The following MTRR variants were observed in gnomAD, a reference collection of about 807,000 sequenced individuals.
MTRR encodes the protein 5-methyltetrahydrofolate-homocysteine methyltransferase reductase, also known as methionine synthase reductase.
In MTRR, 63 loss-of-function variants were observed where a neutral mutation model predicts 79.2. The ratio of observed to expected loss-of-function variants is 0.80; its 90% CI spans 0.65 to 0.98. MTRR has a LOEUF of 0.98. Among genes scored for constraint, MTRR ranks in the 50% least tolerant of loss-of-function variants. The pLI is 0.00. For synonymous variants in MTRR, 355 were observed against 313.3 expected, an observed-to-expected ratio of 1.13 and a Z score of -1.41; for missense variants, 895 against 839.6, an observed-to-expected ratio of 1.07 and a Z score of -0.82.
chr5:7,850,931 T>A, upstream of MTRR: 2 of 1,358,112 alleles, frequency 1.5e-6, no homozygotes, highest in Non-Finnish European at 1.9e-6. Context: ...CGCGGCGGGA[T>A]GTAGCTGAAG....
intron 1 of MTRR, chr5:7,870,469 C>G (rs1340661230): frequency 2.6e-6 from 1 of 384,900 alleles, no homozygotes; most frequent in East Asian, 6.1e-5. Context: ...TGGTACGGAT[C>G]ATTTGGGGAG....
At position 7,878,063 on chromosome 5, in the gene MTRR, C is replaced by T. The variant is rs1186905406; in HGVS notation, c.521C>T (p.Ser174Phe). The T allele has an allele frequency of 2.5e-6, 4 of 1,613,870 alleles. No homozygotes were observed. The highest frequency in any genetic ancestry group is 1.1e-5 in the South Asian group (1 of 91,066). ...SGALPVASPA[S>F]SRTDLVKSEL... ...GCACTCCCGGTGGCATCACCTGCAT[C>T]CTCGAGGACAGACCTTGTGAAGTCA... Residue 174 changes from serine (S) to phenylalanine (F), a missense_variant, in exon 5 of 15, where the codon TCC becomes TTC. Transcript: ENST00000440940.
intron 10 of MTRR, 78 bp downstream of exon 10, chr5:7,891,492 T>A: frequency 8.1e-7 from 1 of 1,237,738 alleles, no homozygotes; most frequent in African/African-American, 1.5e-5. Flanking sequence ...CATTAGAGTT[T>A]ACTAATTTAT....
intron 5 of MTRR, among the ~76,000 whole-genome samples, chr5:7,878,932 A>G (rs921616985): frequency 6.6e-6 from 1 of 152,084 alleles, no homozygotes; most frequent in Non-Finnish European, 1.5e-5. Context: ...TACAAAAACC[A>G]CACCCTTACT....
intron 9 of MTRR, chr5:7,890,478 G>C (rs892069400): frequency 2.1e-6 from 2 of 931,926 alleles, no homozygotes; most frequent in African/African-American, 3.6e-5. Flanking sequence ...AATTCTTTTC[G>C]TAGATTTTTT....
intron 3 of MTRR, chr5:7,875,037 A>G (rs868583579): frequency 1.9e-6 from 1 of 539,138 alleles, no homozygotes; most frequent in Admixed American, 3.2e-5. Flanking sequence ...GCGGCCAATA[A>G]GTATTTTGTT....
At chr5:7,890,459 A>G (rs1737356106) in intron 9 of MTRR, 1 of 950,042 alleles carries the variant, frequency 1.1e-6, no homozygotes, top group South Asian at 4.9e-5. Flanking sequence ...TCGCATACTA[A>G]TTTATTTCAA....
At chr5:7,883,128 TAC>T (rs753767174) in intron 5 of MTRR, 25 bp from the exon 6 acceptor site, 1 of 1,614,104 alleles carries the variant, frequency 6.2e-7, no homozygotes, top group South Asian at 1.1e-5. Flanking sequence ...AAATTGCACT[TAC>T]GTTTTGTCAC....
intron 1 of MTRR, chr5:7,859,372 C>T: frequency 1.0e-6 from 1 of 994,532 alleles, no homozygotes; most frequent in Non-Finnish European, 1.5e-6. Context: ...TTATATTTTT[C>T]TTTTAATACT....
rs757418865 is a variant in MTRR, at chr5:7,869,175, A to G, written c.-66A>G. ...TGCGCGCTGGCGCAAGGTTGGTGGA[A>G]GTCGCGTTGTGCAGGTTCGTGCCCG... On this transcript the variant is annotated 5_prime_UTR_variant, in exon 1 of 15. Coordinates refer to ENST00000440940, the MANE Select transcript of MTRR (RefSeq NM_002454.3). 4 of 1,612,126 alleles carry G rather than the reference A, an allele frequency of 2.5e-6. No homozygotes were observed. The highest frequency in any genetic ancestry group is 3.3e-5 in the Admixed American group (2 of 60,022).
At chr5:7,868,188 A>C, upstream of MTRR, 1 of 527,676 alleles carries the variant, frequency 1.9e-6, no homozygotes, top group Admixed American at 4.1e-5. Context: ...TGAAACTACA[A>C]ACGAGTATCT....
chr5:7,867,721 C>G (rs762452287), upstream of MTRR: 3 of 1,614,082 alleles, frequency 1.9e-6, no homozygotes, highest in African/African-American at 4.0e-5. Context: ...GGGTTTCCAT[C>G]GTGCTTATAA....
At chr5:7,890,455 A>T in intron 9 of MTRR, 1 of 963,060 alleles carries the variant, frequency 1.0e-6, no homozygotes, top group Non-Finnish European at 1.2e-6. Context: ...CTTATCGCAT[A>T]CTAATTTATT....
chr5:7,879,379 G>GT (rs1464896549), intron 5 of MTRR, among the ~76,000 whole-genome samples: 1 of 145,204 alleles, frequency 6.9e-6, no homozygotes, highest in African/African-American at 2.5e-5. Flanking sequence ...GAGTTTATGG[G>GT]TTTTTTCCGG....
intron 8 of MTRR, among the ~76,000 whole-genome samples, chr5:7,888,380 A>G (rs1430859332): frequency 6.6e-6 from 1 of 152,138 alleles, no homozygotes; most frequent in Non-Finnish European, 1.5e-5. Context: ...TTAATTTAGG[A>G]GATTGTATTG....
chr5:7,867,748 T>C (rs1747110109), upstream of MTRR: 2 of 1,614,142 alleles, frequency 1.2e-6, no homozygotes, highest in Non-Finnish European at 1.7e-6. Flanking sequence ...GCACTTCTTC[T>C]GATGAAGTCA....
chr5:7,866,604 A>C, upstream of MTRR: 1 of 1,429,960 alleles, frequency 7.0e-7, no homozygotes, highest in African/African-American at 1.4e-5. Flanking sequence ...GCCAGTTCAA[A>C]GGTTACTTTT....
chr5:7,894,372 C>G (rs1738149617), intron 11 of MTRR, among the ~76,000 whole-genome samples: 1 of 152,228 alleles, frequency 6.6e-6, no homozygotes, highest in Admixed American at 6.5e-5. Flanking sequence ...AGAAGGACAT[C>G]TGCCACATCT....
chr5:7,859,410 A>G (rs1046012), intron 1 of MTRR: 438,288 of 1,429,400 alleles, frequency 0.31, 71,784 homozygotes, highest in Non-Finnish European at 0.34. Flanking sequence ...AAGTTCTTCC[A>G]TTGTTTGAGT....
Sources: gnomAD v4.1 joint callset for allele counts (sites outside exome capture counted in the v4.1 genomes callset) on GRCh38, gnomAD v4.1.1 for gene constraint, MANE v1.5 for transcripts, NCBI Gene and HGNC (gene_info 2026-07-23, HGNC 2026-07-21) for gene names.